The following SMU1 variants were observed in gnomAD, a reference collection of about 807,000 sequenced individuals.
SMU1 encodes the protein WD40 repeat-containing protein SMU1.
In SMU1, 2 loss-of-function variants were observed where a neutral mutation model predicts 62.0. The observed-to-expected ratio is 0.03, with a 90% CI of 0.01 to 0.10. The LOEUF is 0.10. Among genes scored for constraint, SMU1 ranks in the 10% least tolerant of loss-of-function variants. SMU1 has a pLI of 1.00. For synonymous variants in SMU1, 188 were observed against 212.4 expected (o/e 0.89, Z 1.00); for missense variants, 227 against 622.1 (o/e 0.36, Z 6.76).
At chr9:33,069,083 G>T (rs1839457995) in intron 3 of SMU1, 149 bp from the exon 4 acceptor site, 7 of 1,296,100 alleles carry the variant, frequency 5.4e-6, no homozygotes, top group Non-Finnish European at 7.1e-6. Context: ...AACTAATTTA[G>T]TTTTTGAAAA....
chr9:33,055,976 C>G, intron 9 of SMU1, 137 bp downstream of exon 9: 2 of 800,996 alleles, frequency 2.5e-6, no homozygotes, highest in Non-Finnish European at 3.6e-6. Flanking sequence ...TTGTCTCAGA[C>G]TCACCTCAAT....
intron 4 of SMU1, among the ~76,000 whole-genome samples, chr9:33,067,298 A>C (rs1417278644): frequency 2.8e-4 from 13 of 45,634 alleles, no homozygotes; most frequent in African/African-American, 8.5e-4. Flanking sequence ...GCTAATGACC[A>C]AAAAAAAAAA....
chr9:33,069,679 G>A (rs1839464821), intron 3 of SMU1, among the ~76,000 whole-genome samples: 1 of 152,160 alleles, frequency 6.6e-6, no homozygotes, highest in African/African-American at 2.4e-5. Context: ...GTGGGTGCCT[G>A]TAATCTCAGC....
At chr9:33,051,585 C>T (rs904219658) in intron 10 of SMU1, among the ~76,000 whole-genome samples, 2 of 152,186 alleles carry the variant, frequency 1.3e-5, no homozygotes, top group East Asian at 1.9e-4. Flanking sequence ...ATATGGGAAC[C>T]GTCCGTATTT....
intron 11 of SMU1, 65 bp downstream of exon 11, chr9:33,048,041 T>C: frequency 6.6e-7 from 1 of 1,505,158 alleles, no homozygotes. Flanking sequence ...GGCACATACT[T>C]CAGAGTTCAG....
At chr9:33,076,354 T>C (rs1021569133) in intron 1 of SMU1, among the ~76,000 whole-genome samples, 8 of 152,156 alleles carry the variant, frequency 5.3e-5, no homozygotes, top group African/African-American at 1.9e-4. Context: ...AAGGTGTGTT[T>C]TCCCCACCCG....
chr9:33,060,629 G>C (rs776853022), intron 5 of SMU1, 45 bp from the exon 6 acceptor site: 14 of 1,599,958 alleles, frequency 8.8e-6, no homozygotes, highest in Non-Finnish European at 1.1e-5. Context: ...TTATCTAGTG[G>C]ACTTAAAACA....
At chr9:33,060,396 G>T in intron 6 of SMU1, 69 bp downstream of exon 6, 2 of 1,313,346 alleles carry the variant, frequency 1.5e-6, no homozygotes, top group Non-Finnish European at 2.1e-6. Context: ...TGATTTAGAG[G>T]CCATAGGTAA....
intron 10 of SMU1, among the ~76,000 whole-genome samples, chr9:33,052,047 T>C (rs1015700889): frequency 2.0e-5 from 3 of 151,560 alleles, no homozygotes; most frequent in African/African-American, 7.3e-5. Context: ...TTCTGTATCC[T>C]GATTGTAATG....
chr9:33,054,474 T>TGAGGAACTTTGAAGTGGAAG, intron 9 of SMU1, among the ~76,000 whole-genome samples: 1 of 152,332 alleles, frequency 6.6e-6, no homozygotes, highest in Admixed American at 6.5e-5. Context: ...CACACACACA[T>TGAGGAACTTTGAAGTGGAAG]GAGGAACTTT....
intron 2 of SMU1, among the ~76,000 whole-genome samples, chr9:33,072,823 T>C (rs1483042461): frequency 7.1e-6 from 1 of 140,698 alleles, no homozygotes; most frequent in East Asian, 2.0e-4. Flanking sequence ...AGTGAGACTC[T>C]GTCTCAAAAA....
chr9:33,058,515 T>C (rs1438526659), intron 6 of SMU1, among the ~76,000 whole-genome samples: 1 of 152,068 alleles, frequency 6.6e-6, no homozygotes, highest in Non-Finnish European at 1.5e-5. Context: ...CAAGGTTTCA[T>C]CATGTTAGCC....
At chr9:33,050,719 G>A (rs13293660) in intron 10 of SMU1, among the ~76,000 whole-genome samples, 29,436 of 151,682 alleles carry the variant, frequency 0.19, 3,106 homozygotes, top group Middle Eastern at 0.29. Flanking sequence ...CCAGCTACTC[G>A]GGAGGCTGAG....
Position 33,044,220 on chromosome 9 carries a change from A to C in SMU1, c.*3073T>G, listed in dbSNP as rs1204595521. On this transcript the variant is annotated 3_prime_UTR_variant, in exon 12 of 12. Transcript: ENST00000397149. ...CCCTAGGAACCGACTGCACACGCCC[A>C]ATTCAGAAGGAAGTGAGCACTGATT... 1.3e-5 allele frequency: 2 copies of C among 152,384 alleles called. No homozygotes were observed. Among genetic ancestry groups the C allele is most frequent in the African/African-American group, 2.4e-5 (1 of 41,434 alleles). The allele number at this position is 152,384 out of a possible 1,614,324, so 9.4% of individuals were successfully genotyped here. A position where few individuals can be genotyped will look rare whatever the true frequency, so the allele number is the denominator to read the frequency against.
chr9:33,075,671 A>T (rs1839537398), intron 1 of SMU1, among the ~76,000 whole-genome samples: 1 of 152,208 alleles, frequency 6.6e-6, no homozygotes, highest in South Asian at 2.1e-4. Context: ...AAGTTATGTG[A>T]CCTTGGACAA....
intron 1 of SMU1, among the ~76,000 whole-genome samples, 177 bp downstream of exon 1, chr9:33,076,406 G>C (rs921054790): frequency 6.6e-6 from 1 of 152,154 alleles, no homozygotes. Flanking sequence ...TCTGAGAGCT[G>C]CTACTTTCCT....
chr9:33,073,012 T>C (rs373102405), intron 2 of SMU1, among the ~76,000 whole-genome samples: 9 of 152,122 alleles, frequency 5.9e-5, no homozygotes, highest in African/African-American at 1.7e-4. Context: ...GATAGGGGTA[T>C]CTTTGTTACT....
chr9:33,054,163 C>T (rs1057290673), intron 9 of SMU1, among the ~76,000 whole-genome samples: 1 of 151,728 alleles, frequency 6.6e-6, no homozygotes, highest in Non-Finnish European at 1.5e-5. Context: ...AAAACAAAAA[C>T]CGCTTTTCTT....
intron 3 of SMU1, among the ~76,000 whole-genome samples, chr9:33,069,584 C>G (rs1011827514): frequency 6.6e-6 from 1 of 152,116 alleles, no homozygotes; most frequent in Non-Finnish European, 1.5e-5. Flanking sequence ...GCAGATCACC[C>G]GAGGTCAGGA....
Sources: allele counts gnomAD v4.1 joint callset (sites outside exome capture counted in the v4.1 genomes callset), GRCh38; gene constraint gnomAD v4.1.1; transcripts MANE v1.5; gene names NCBI Gene and HGNC (gene_info 2026-07-23, HGNC 2026-07-21).